CDH12: variants seen among roughly 807,000 people sequenced by gnomAD.
CDH12 encodes cadherin 12.
In CDH12, 41 loss-of-function variants were observed where a neutral mutation model predicts 74.1. The ratio of observed to expected loss-of-function variants is 0.55; its 90% CI spans 0.43 to 0.72. CDH12 has a LOEUF of 0.72. Ranked by LOEUF, CDH12 falls within the 30% of genes least tolerant of loss-of-function variation. The pLI is 0.00. For synonymous variants in CDH12, 399 were observed against 355.0 expected, an observed-to-expected ratio of 1.12 and a Z score of -1.39; for missense variants, 945 against 977.2, an observed-to-expected ratio of 0.97 and a Z score of 0.44.
At chr5:22,180,205 T>A (rs1383372611) in intron 4 of CDH12, among the ~76,000 whole-genome samples, 5 of 152,286 alleles carry the variant, frequency 3.3e-5, no homozygotes, top group African/African-American at 1.2e-4. Flanking sequence ...CTCATTTTGC[T>A]TTTTTTCCTA....
intron 4 of CDH12, among the ~76,000 whole-genome samples, chr5:22,208,047 A>G (rs1751317853): frequency 6.6e-6 from 1 of 152,230 alleles, no homozygotes; most frequent in African/African-American, 2.4e-5. Flanking sequence ...AACAAAGTTT[A>G]GACACCTTAA....
At chr5:22,163,230 T>C (rs1013898737) in intron 4 of CDH12, among the ~76,000 whole-genome samples, 4 of 152,122 alleles carry the variant, frequency 2.6e-5, no homozygotes, top group African/African-American at 7.2e-5. Flanking sequence ...TCGGCCCTCG[T>C]TTATCCTGTT....
At chr5:22,576,103 A>G (rs1334899767) in intron 1 of CDH12, among the ~76,000 whole-genome samples, 1 of 152,132 alleles carries the variant, frequency 6.6e-6, no homozygotes, top group Non-Finnish European at 1.5e-5. Flanking sequence ...TGTGTTCCCC[A>G]GGAATCTTCT....
At chr5:22,030,751 C>T (rs773784178) in intron 5 of CDH12, among the ~76,000 whole-genome samples, 1 of 152,160 alleles carries the variant, frequency 6.6e-6, no homozygotes, top group African/African-American at 2.4e-5. Context: ...TCCAAGATAG[C>T]CTCTTCTTCC....
In CDH12 at chr5:22,571,547, G is replaced by A. The variant is rs1053805308; in HGVS notation, c.-522-66183C>T. Among the ~76,000 whole-genome samples the A allele has an allele frequency of 2.5e-4, 38 of 152,130 alleles. 1 individual carries two copies. The highest frequency in any genetic ancestry group is 8.4e-4 in the African/African-American group (35 of 41,442). On this transcript the variant is annotated intron_variant, in intron 1 of 14. Transcript: ENST00000382254. ...TCTCTATGTTGGTCAGGCTGGTCTC[G>A]AATTCCTGACCTCAGGTGTTCCACC...
At chr5:22,145,931 G>A (rs867603578) in intron 4 of CDH12, among the ~76,000 whole-genome samples, 12 of 152,130 alleles carry the variant, frequency 7.9e-5, no homozygotes, top group African/African-American at 2.6e-4. Context: ...TCAGTGCCTT[G>A]CAATAGATCC....
chr5:22,219,364 A>G (rs1751933146), intron 3 of CDH12, among the ~76,000 whole-genome samples: 1 of 151,650 alleles, frequency 6.6e-6, no homozygotes, highest in Non-Finnish European at 1.5e-5. Context: ...TTTGGATTTC[A>G]TGGTGACTCT....
chr5:22,198,369 C>T (rs1580389961), intron 4 of CDH12, among the ~76,000 whole-genome samples: 2 of 151,872 alleles, frequency 1.3e-5, no homozygotes, highest in Non-Finnish European at 1.5e-5. Context: ...ATAAGCATAT[C>T]GTATAAATAT....
intron 9 of CDH12, among the ~76,000 whole-genome samples, chr5:21,815,431 A>G (rs1001628003): frequency 1.3e-5 from 2 of 152,162 alleles, no homozygotes; most frequent in Non-Finnish European, 2.9e-5. Flanking sequence ...AAAAATGTGC[A>G]CACCTTAAAT....
At chr5:22,312,388 A>G (rs1158932820) in intron 3 of CDH12, among the ~76,000 whole-genome samples, 2 of 152,194 alleles carry the variant, frequency 1.3e-5, no homozygotes, top group African/African-American at 2.4e-5. Context: ...CTCTCGAAAA[A>G]TGATAATTAA....
chr5:22,137,319 G>A (rs188279402), intron 4 of CDH12, among the ~76,000 whole-genome samples: 6 of 152,076 alleles, frequency 3.9e-5, no homozygotes, highest in Admixed American at 3.3e-4. Context: ...TCCCAGCTTT[G>A]TCTTATAGTT....
rs1437830390 is a variant in CDH12 at position 21,999,285 on chromosome 5, G to T, written c.232-23900C>A. Among the ~76,000 whole-genome samples, 12 of 152,180 alleles carry T rather than the reference G, an allele frequency of 7.9e-5. No individual in the cohort carries two copies. In the East Asian group the frequency reaches 2.3e-3, roughly 29 times the overall value. The stretch of plus-strand genomic sequence containing the variant: ...ATACTTTTATCTTGGTCTTAAAAAT[G>T]AAGCACCAACATTTAAAAGGCAAAC... On this transcript the variant is annotated intron_variant, in intron 5 of 14. Coordinates refer to ENST00000382254, the MANE Select transcript of CDH12 (RefSeq NM_004061.5).
At chr5:22,350,343 A>G (rs1740307655) in intron 3 of CDH12, among the ~76,000 whole-genome samples, 2 of 152,244 alleles carry the variant, frequency 1.3e-5, no homozygotes, top group African/African-American at 4.8e-5. Context: ...GTATTTATAC[A>G]TATAATTAGT....
chr5:22,107,456 A>T (rs1378775027), intron 4 of CDH12, among the ~76,000 whole-genome samples: 1 of 68,370 alleles, frequency 1.5e-5, no homozygotes, highest in African/African-American at 5.9e-5. Flanking sequence ...ATATATGTAT[A>T]TGTGTATATA....
intron 3 of CDH12, among the ~76,000 whole-genome samples, chr5:22,297,952 TA>T (rs1281273632): frequency 6.6e-6 from 1 of 151,892 alleles, no homozygotes; most frequent in Admixed American, 6.6e-5. Flanking sequence ...TTTTAGATAT[TA>T]ACTTAATTTA....
intron 2 of CDH12, among the ~76,000 whole-genome samples, chr5:22,454,133 C>A (rs1301853532): frequency 6.6e-6 from 1 of 151,996 alleles, no homozygotes; most frequent in Admixed American, 6.6e-5. Context: ...AACTTACTGT[C>A]CATGGGGAAG....
intron 3 of CDH12, among the ~76,000 whole-genome samples, chr5:22,282,897 C>T (rs1473889696): frequency 6.6e-6 from 1 of 151,882 alleles, no homozygotes; most frequent in Non-Finnish European, 1.5e-5. Context: ...GAGTGTATAC[C>T]CAAAGGATTA....
chr5:22,006,873 A>C (rs1042119471), intron 5 of CDH12, among the ~76,000 whole-genome samples: 3 of 152,116 alleles, frequency 2.0e-5, no homozygotes, highest in African/African-American at 7.2e-5. Flanking sequence ...ATTATTATTA[A>C]AATTAGTATT....
intron 1 of CDH12, among the ~76,000 whole-genome samples, chr5:22,753,609 G>A (rs1745720490): frequency 6.7e-6 from 1 of 149,546 alleles, no homozygotes; most frequent in Admixed American, 6.7e-5. Context: ...AAATGGAAGG[G>A]GAAGAAGTAT....
Sources: gnomAD v4.1 joint callset for allele counts (sites outside exome capture counted in the v4.1 genomes callset) on GRCh38, gnomAD v4.1.1 for gene constraint, MANE v1.5 for transcripts, NCBI Gene and HGNC (gene_info 2026-07-23, HGNC 2026-07-21) for gene names.